Variants in SLC7A4 observed in about 807,000 individuals in gnomAD.
The protein encoded by SLC7A4 is cationic amino acid transporter 4.
A neutral mutation model predicts 37.8 loss-of-function variants in SLC7A4; 30 were observed. That is an observed-to-expected ratio of 0.79 (90% CI 0.59 to 1.08). The LOEUF (loss-of-function observed/expected upper bound fraction) is 1.08, where lower values mean the gene tolerates loss of function less well. Ranked by LOEUF, SLC7A4 falls within the 50% of genes least tolerant of loss-of-function variation. SLC7A4 has a pLI of 0.00. For missense variants in SLC7A4, 839 were observed against 843.2 expected (o/e 1.00, Z 0.06); for synonymous variants, 359 against 376.5 (o/e 0.95, Z 0.54).
At position 21,029,032 on chromosome 22, in the gene SLC7A4, C is replaced by T. The variant is rs759770922; in HGVS notation, c.*23G>A. ...GGCCTCCCAAGCAGGTGTGGGAGGG[C>T]GGGGCAAGTGTGGGCTGATCAGCTA... On this transcript the variant is annotated 3_prime_UTR_variant, in exon 5 of 5. Transcript: ENST00000382932. The T allele has an allele frequency of 1.5e-5, 24 of 1,574,326 alleles. No individual in the cohort carries two copies. The highest frequency in any genetic ancestry group is 5.2e-5 in the Admixed American group (3 of 57,480).
In SLC7A4 at chr22:21,031,180, G is replaced by T. The variant is rs779361997; in HGVS notation, c.633C>A (p.Ile211=). Residue 211 remains isoleucine (I), a synonymous_variant, in exon 2 of 5, where the codon ATC becomes ATA. Transcript: ENST00000382932. ...GAGGCTGGGCCAGGATGAAGCCCAG[G>T]ATGACAATGAAGAGAATGACAAGCA... ...ISLLVILFIV[I]LGFILAQPHN... The T allele has an allele frequency of 1.2e-6, 2 of 1,613,850 alleles. No homozygotes were observed. Among genetic ancestry groups the T allele is most frequent in the East Asian group, 4.5e-5 (2 of 44,886 alleles).
chr22:21,030,382 T>A (rs1426261680), intron 2 of SLC7A4, 31 bp from the exon 3 acceptor site: 4 of 1,566,758 alleles, frequency 2.6e-6, no homozygotes, highest in Non-Finnish European at 3.5e-6. Flanking sequence ...AGGGTCAGCA[T>A]GGCGGAGAAG....
Position 21,031,852 on chromosome 22 carries a change from C to A in SLC7A4, c.-40G>T. 1 of 1,464,828 alleles carries A rather than the reference C, an allele frequency of 6.8e-7. No homozygotes were observed. Among genetic ancestry groups the A allele is most frequent in the African/African-American group, 1.4e-5 (1 of 71,058 alleles). 90.7% of individuals were successfully genotyped at this position (1,464,828 alleles called of 1,614,324 possible). A position where few individuals can be genotyped will look rare whatever the true frequency, so the allele number is the denominator to read the frequency against. On this transcript the variant is annotated splice_region_variant and 5_prime_UTR_variant, in exon 2 of 5. Transcript: ENST00000382932. ...AAGAGCACCGAGCCAGCTACTGGAACCTGCTAGGGCCAGAGGGGAATGACA... is the reference window on the plus strand; with the variant it reads ...AAGAGCACCGAGCCAGCTACTGGAAACTGCTAGGGCCAGAGGGGAATGACA...
At position 21,029,935 on chromosome 22, in the gene SLC7A4, C is replaced by A; in HGVS notation, c.1399G>T (p.Gly467Cys). 1 of 1,613,806 alleles carries A rather than the reference C, an allele frequency of 6.2e-7. No individual in the cohort carries two copies. The highest frequency in any genetic ancestry group is 8.5e-7 in the Non-Finnish European group (1 of 1,179,978). Reference protein sequence around the residue: ...ELKPALRPYLGFLDGYSPGAV... With the variant: ...ELKPALRPYLCFLDGYSPGAV... The stretch of plus-strand genomic sequence containing the variant: ...CCAGGGCTGTACCCATCCAAGAAGC[C>A]CAGGTAGGGCCTCAGGGCTGGCTTC... Residue 467 changes from glycine to cysteine, a missense_variant, in exon 3 of 5, where the codon GGC (glycine) becomes TGC (cysteine). Physicochemically the swap from Gly to Cys is radical, Grantham distance 159 (BLOSUM62 -3). Coordinates refer to ENST00000382932, the MANE Select transcript of SLC7A4 (RefSeq NM_004173.3).
rs1252859649 is a variant in SLC7A4, at chr22:21,030,908, T to A, written c.905A>T (p.Asp302Val). 2.5e-6 allele frequency: 4 copies of A among 1,613,632 alleles called. No homozygotes were observed. The highest frequency in any genetic ancestry group is 3.4e-6 in the Non-Finnish European group (4 of 1,179,852). Reference protein sequence around the residue: ...LMVPWHSLDPDSALADAFYQR... With the variant: ...LMVPWHSLDPVSALADAFYQR... ...GTAGAAGGCATCTGCAAGCGCTGAG[T>A]CGGGGTCCAGGCTGTGCCAGGGCAC... The change falls in exon 2 of 5, where the codon GAC (aspartate) becomes GTC (valine). Residue 302 changes from aspartate to valine, a missense_variant. By Grantham distance (152) the Asp-to-Val change is radical (BLOSUM62 -3). Coordinates refer to ENST00000382932, the MANE Select transcript of SLC7A4 (RefSeq NM_004173.3).
In SLC7A4 at chr22:21,030,914, TC is replaced by T. The variant is rs773412384; in HGVS notation, c.898del (p.Asp300ThrfsTer30). On this transcript the variant is annotated frameshift_variant, in exon 2 of 5. Transcript: ENST00000382932. LOFTEE classifies it high-confidence loss of function. Reference protein sequence around the residue: ...LTLMVPWHSLDPDSALADAFY... With the variant: ...LTLMVPWHSLXPDSALADAFY... ...GGCATCTGCAAGCGCTGAGTCGGGG[TC>T]CAGGCTGTGCCAGGGCACCATGAGG... The T allele has an allele frequency of 3.1e-5, 50 of 1,613,740 alleles. No individual in the cohort carries two copies. Among genetic ancestry groups the T allele is most frequent in the Non-Finnish European group, 4.2e-5 (49 of 1,179,960 alleles).
chr22:21,030,018 GAGA>G lies in SLC7A4; in HGVS notation c.1313_1315del (p.Phe438del). On this transcript the variant is annotated inframe_deletion, in exon 3 of 5. Transcript: ENST00000382932. ...AGTGCCCACCAGCTGTAGGTGGTCT[GAGA>G]AGGAGCTCTGCTGCTTGGTCAGGGG... The G allele has an allele frequency of 6.2e-7, 1 of 1,613,660 alleles. No homozygotes were observed. The highest frequency in any genetic ancestry group is 8.5e-7 in the Non-Finnish European group (1 of 1,179,916).
In SLC7A4 at chr22:21,031,596, A is replaced by T. The variant is rs1928887411; in HGVS notation, c.217T>A (p.Leu73Met). 6.2e-7 allele frequency: 1 copy of T among 1,606,796 alleles called. No homozygotes were observed. Among genetic ancestry groups the T allele is most frequent in the Non-Finnish European group, 8.5e-7 (1 of 1,176,874 alleles). ...GCCACAGCGGCCACACCGAAGGACA[A>T]GAGCACAGCAGGGCCAGCCACCTCC... ...AKEVAGPAVL[L>M]SFGVAAVASL... Residue 73 changes from leucine (L) to methionine (M), a missense_variant, in exon 2 of 5, where the codon TTG (leucine) becomes ATG (methionine). Leu to Met is a conservative substitution (Grantham distance 15, BLOSUM62 2). Transcript: ENST00000382932.
rs781041823 is a variant in SLC7A4, at chr22:21,031,144, G to A, written c.669C>T (p.Ser223=). The A allele has an allele frequency of 1.5e-5, 25 of 1,613,476 alleles. No homozygotes were observed. Among genetic ancestry groups the A allele is most frequent in the Admixed American group, 8.3e-5 (5 of 59,972 alleles). The change falls in exon 2 of 5, where the codon AGC becomes AGT. Residue 223 remains serine, a synonymous_variant. Transcript: ENST00000382932. The stretch of plus-strand genomic sequence containing the variant: ...AGGGTGCAAAGCCGCCTTCGTCAGC[G>A]CTCCAGTTGTGAGGCTGGGCCAGGA... ...GFILAQPHNW[S]ADEGGFAPFG... is the part of the protein sequence containing the mutation.
chr22:21,029,757 A>T lies in SLC7A4; in HGVS notation c.1577T>A (p.Leu526His), dbSNP rs1403609838. 2.5e-6 allele frequency: 4 copies of T among 1,613,116 alleles called. No homozygotes were observed. The Middle Eastern group carries it at 4.9e-4, about 199-fold the overall frequency. ...LTSVMFLLSL[L>H]VLGAHQQQYR... ...CTGTTGCTGGTGAGCCCCCAGGACA[A>T]GGAGGCTGAGCAGAAACATGACACT... Residue 526 changes from leucine to histidine, a missense_variant, in exon 3 of 5, where the codon CTT becomes CAT. Transcript: ENST00000382932.
At position 21,031,129 on chromosome 22, in the gene SLC7A4, G is replaced by A. The variant is rs1928869719; in HGVS notation, c.684C>T (p.Gly228=). The change falls in exon 2 of 5, where the codon GGC becomes GGT. Residue 228 remains glycine, a synonymous_variant. Transcript: ENST00000382932. ...CGCCGGAGAAGCCGAAGGGTGCAAA[G>A]CCGCCTTCGTCAGCGCTCCAGTTGT... The part of the protein sequence containing the change: ...QPHNWSADEG[G]FAPFGFSGVM... 2 of 1,613,632 alleles carry A rather than the reference G, an allele frequency of 1.2e-6. No homozygotes were observed. The highest frequency in any genetic ancestry group is 3.3e-5 in the Admixed American group (2 of 59,994).
In SLC7A4 at chr22:21,031,289, C is replaced by A. The variant is rs1385599941; in HGVS notation, c.524G>T (p.Gly175Val). The change falls in exon 2 of 5, where the codon GGC becomes GTC. Residue 175 changes from glycine (G) to valine (V), a missense_variant. Gly to Val is a moderately radical substitution (Grantham distance 109, BLOSUM62 -3). Transcript: ENST00000382932. ...AAAGGCAGAGGCCAGGAGGATGATG[C>A]CAGCAGCCAGGAAGTCCGGGTAGTG... is the stretch of plus-strand genomic sequence containing the variant. ...LGHYPDFLAA[G>V]IILLASAFVS... 2 of 1,610,136 alleles carry A rather than the reference C, an allele frequency of 1.2e-6. No individual in the cohort carries two copies. The highest frequency in any genetic ancestry group is 1.1e-5 in the South Asian group (1 of 90,432).
In SLC7A4 at chr22:21,031,227, G is replaced by T. The variant is rs561791725; in HGVS notation, c.586C>A (p.His196Asn). 7 of 1,613,794 alleles carry T rather than the reference G, an allele frequency of 4.3e-6. No individual in the cohort carries two copies. In the African/African-American group the frequency reaches 9.3e-5, roughly 22 times the overall value. Reference sequence around the variant, plus strand: ...AGCAGGCTGATGGCCGAGAAGGTGTGATTGAGCCAGGAGGACACGCGGGCT... The same window carrying T: ...AGCAGGCTGATGGCCGAGAAGGTGTTATTGAGCCAGGAGGACACGCGGGCT... ...CGARVSSWLN[H>N]TFSAISLLVI... The change falls in exon 2 of 5, where the codon CAC (histidine) becomes AAC (asparagine). Residue 196 changes from histidine to asparagine, a missense_variant. His to Asn is a moderately conservative substitution (Grantham distance 68). Coordinates refer to ENST00000382932, the MANE Select transcript of SLC7A4 (RefSeq NM_004173.3).
rs190796522 is a variant in SLC7A4, at chr22:21,031,805, C to G, written c.8G>C (p.Arg3Pro). 3 of 1,493,168 alleles carry G rather than the reference C, an allele frequency of 2.0e-6. No individual in the cohort carries two copies. Among genetic ancestry groups the G allele is most frequent in the Non-Finnish European group, 2.7e-6 (3 of 1,126,104 alleles). 92.5% of individuals were successfully genotyped at this position (1,493,168 alleles called of 1,614,324 possible). A position where few individuals can be genotyped will look rare whatever the true frequency, so the allele number is the denominator to read the frequency against. The change falls in exon 2 of 5, where the codon CGG becomes CCG. Residue 3 changes from arginine to proline, a missense_variant. Coordinates refer to ENST00000382932, the MANE Select transcript of SLC7A4 (RefSeq NM_004173.3). ...CAGGCTAGCAATGGTGGGCAGCCCC[C>G]GGGCCATGGCAGGTGGCCGAGAAGA... is the stretch of plus-strand genomic sequence containing the variant. MARGLPTIASLAR... is the reference protein window; with the variant it reads MAPGLPTIASLAR...
rs1601792153 is a variant in SLC7A4 at position 21,031,123 on chromosome 22, T to C, written c.690A>G (p.Ala230=). ...HNWSADEGGF[A]PFGFSGVMAG... is the part of the protein sequence containing the mutation. ...CCATGACGCCGGAGAAGCCGAAGGGTGCAAAGCCGCCTTCGTCAGCGCTCC... is the reference window on the plus strand; with the variant it reads ...CCATGACGCCGGAGAAGCCGAAGGGCGCAAAGCCGCCTTCGTCAGCGCTCC... Residue 230 remains alanine, a synonymous_variant, in exon 2 of 5, where the codon GCA becomes GCG. Transcript: ENST00000382932. The C allele has an allele frequency of 6.2e-7, 1 of 1,613,486 alleles. No individual in the cohort carries two copies. The highest frequency in any genetic ancestry group is 1.1e-5 in the South Asian group (1 of 91,018).
In SLC7A4 at chr22:21,029,234, G is replaced by C; in HGVS notation, c.1733-4C>G. The stretch of plus-strand genomic sequence containing the variant: ...TAGCCGAAATACACTGCAAGTCCTA[G>C]ACAGGGCAGGAGGCAGGGCATGAGC... On this transcript the variant is annotated splice_polypyrimidine_tract_variant and splice_region_variant and intron_variant, in intron 4 of 4. Transcript: ENST00000382932. 6.2e-7 allele frequency: 1 copy of C among 1,613,640 alleles called. No individual in the cohort carries two copies. Among genetic ancestry groups the C allele is most frequent in the South Asian group, 1.1e-5 (1 of 91,060 alleles).
chr22:21,029,448 A>T lies in SLC7A4; in HGVS notation c.1624-4T>A. The T allele has an allele frequency of 6.2e-7, 1 of 1,604,004 alleles. No homozygotes were observed. Among genetic ancestry groups the T allele is most frequent in the African/African-American group, 1.3e-5 (1 of 74,816 alleles). ...GAATCAGGGGAACCATGGGGATCTGAGGAGGCAGAGGCAGGGCAGGGCTGG... is the reference window on the plus strand; with the variant it reads ...GAATCAGGGGAACCATGGGGATCTGTGGAGGCAGAGGCAGGGCAGGGCTGG... On this transcript the variant is annotated splice_polypyrimidine_tract_variant and splice_region_variant and intron_variant, in intron 3 of 4. Transcript: ENST00000382932.
rs751712162 is a variant in SLC7A4, at chr22:21,030,994, G to A, written c.819C>T (p.Ala273=). 1.2e-6 allele frequency: 2 copies of A among 1,613,996 alleles called. No individual in the cohort carries two copies. Among genetic ancestry groups the A allele is most frequent in the East Asian group, 4.5e-5 (2 of 44,874 alleles). ...CACCAGCTGCAATGGCAAGCGAGAT[G>A]GCGATGGCCAGAGGCACAGACCGCC... The part of the protein sequence containing the change: ...NPRRSVPLAI[A]ISLAIAAGAY... Residue 273 remains alanine (A), a synonymous_variant, in exon 2 of 5, where the codon GCC becomes GCT. Transcript: ENST00000382932.
rs1209721819 is a variant in SLC7A4 at position 21,031,089 on chromosome 22, C to A, written c.724G>T (p.Ala242Ser). ...FGFSGVMAGT[A>S]SCFYAFVGFD... ...CCCACGAAAGCATAGAAGCAGGAGG[C>A]AGTGCCGGCCATGACGCCGGAGAAG... is the stretch of plus-strand genomic sequence containing the variant. Residue 242 changes from alanine (A) to serine (S), a missense_variant, in exon 2 of 5, where the codon GCC becomes TCC. Physicochemically the swap from Ala to Ser is moderately conservative, Grantham distance 99. Coordinates refer to ENST00000382932, the MANE Select transcript of SLC7A4 (RefSeq NM_004173.3). 6.2e-7 allele frequency: 1 copy of A among 1,614,034 alleles called. No individual in the cohort carries two copies. The highest frequency in any genetic ancestry group is 8.5e-7 in the Non-Finnish European group (1 of 1,180,008).
Sources: gnomAD v4.1 joint callset for allele counts on GRCh38, gnomAD v4.1.1 for gene constraint, MANE v1.5 for transcripts, NCBI Gene and HGNC (gene_info 2026-07-23, HGNC 2026-07-21) for gene names.